Variants in CSMD1 observed in about 807,000 individuals in gnomAD.
CSMD1 encodes CUB and sushi domain-containing protein 1.
In CSMD1, 213 loss-of-function variants were observed where a neutral mutation model predicts 417.5. That is an observed-to-expected ratio of 0.51 (90% confidence interval 0.46 to 0.57). The LOEUF (loss-of-function observed/expected upper bound fraction) is 0.57. Among genes scored for constraint, CSMD1 ranks in the 20% least tolerant of loss-of-function variants. The pLI is 0.00. For missense variants in CSMD1, 6,923 were observed against 4,529.7 expected (o/e 1.53, Z -15.17); for synonymous variants, 2,862 against 1,736.8 (o/e 1.65, Z -16.11).
intron 1 of CSMD1, among the ~76,000 whole-genome samples, chr8:4,764,872 CAAAAAAAAAAAAAAA>C (rs1194894751): frequency 0.013 from 676 of 50,962 alleles, 23 homozygotes; most frequent in African/African-American, 0.053. Context: ...GACTCCATCT[CAAAAAAAAAAAAAAA>C]AAAAAAACAA....
chr8:3,496,906 G>C (rs1796388150), intron 10 of CSMD1, among the ~76,000 whole-genome samples: 1 of 152,126 alleles, frequency 6.6e-6, no homozygotes, highest in Admixed American at 6.5e-5. Context: ...AGACCCATTG[G>C]ACACTCAGGA....
At chr8:4,262,252 G>A (rs549117185) in intron 3 of CSMD1, among the ~76,000 whole-genome samples, 61 of 152,124 alleles carry the variant, frequency 4.0e-4, no homozygotes, top group Non-Finnish European at 7.5e-4. Context: ...TCCGGGGCAT[G>A]GTGGAGGATG....
chr8:3,074,414 C>T (rs1027326595), intron 49 of CSMD1, among the ~76,000 whole-genome samples: 1 of 152,192 alleles, frequency 6.6e-6, no homozygotes, highest in Non-Finnish European at 1.5e-5. Flanking sequence ...AGGGAGCTGT[C>T]TACCCAGGGC....
chr8:4,023,138 G>A (rs992848868), intron 4 of CSMD1, among the ~76,000 whole-genome samples: 1 of 152,120 alleles, frequency 6.6e-6, no homozygotes, highest in Admixed American at 6.5e-5. Flanking sequence ...CTAATGTGTG[G>A]AGGAACTGCC....
At chr8:3,928,984 C>T in intron 5 of CSMD1, among the ~76,000 whole-genome samples, 1 of 150,460 alleles carries the variant, frequency 6.6e-6, no homozygotes, top group Non-Finnish European at 1.5e-5. Context: ...AATTGGTTGT[C>T]ATTGTATAAG....
chr8:3,132,681 A>G (rs1163299452), intron 41 of CSMD1, among the ~76,000 whole-genome samples: 1 of 152,180 alleles, frequency 6.6e-6, no homozygotes, highest in African/African-American at 2.4e-5. Flanking sequence ...CTGCATCAAG[A>G]GGGCAGTTGC....
intron 41 of CSMD1, among the ~76,000 whole-genome samples, chr8:3,131,880 C>T (rs1431921571): frequency 6.6e-6 from 1 of 152,154 alleles, no homozygotes; most frequent in African/African-American, 2.4e-5. Flanking sequence ...TATATATTTA[C>T]CATCTGAGTA....
intron 3 of CSMD1, among the ~76,000 whole-genome samples, chr8:4,215,585 T>G (rs974410442): frequency 1.3e-5 from 2 of 152,134 alleles, no homozygotes; most frequent in Admixed American, 1.3e-4. Context: ...TTCCCTAAAA[T>G]TTATACATGA....
intron 5 of CSMD1, among the ~76,000 whole-genome samples, chr8:3,919,183 C>T (rs75750222): frequency 1.3e-4 from 3 of 22,742 alleles, no homozygotes; most frequent in Non-Finnish European, 2.3e-4. Context: ...CGTGTCATAT[C>T]CAAAAAAAAA....
At chr8:4,099,955 C>T (rs1252114868) in intron 3 of CSMD1, among the ~76,000 whole-genome samples, 3 of 152,130 alleles carry the variant, frequency 2.0e-5, no homozygotes, top group African/African-American at 7.2e-5. Flanking sequence ...TAAAAATACT[C>T]ATTTATTTTA....
intron 3 of CSMD1, among the ~76,000 whole-genome samples, chr8:4,117,385 G>C (rs73658583): frequency 6.6e-6 from 1 of 151,056 alleles, no homozygotes; most frequent in Non-Finnish European, 1.5e-5. Context: ...CCAGGCAAAG[G>C]AGCTCCCAAG....
chr8:4,147,421 G>C (rs752398192), intron 3 of CSMD1, among the ~76,000 whole-genome samples: 1 of 151,950 alleles, frequency 6.6e-6, no homozygotes, highest in Non-Finnish European at 1.5e-5. Context: ...GTCTAGAATG[G>C]CTTTTCCACC....
At chr8:3,727,563 T>C (rs1457337837) in intron 6 of CSMD1, among the ~76,000 whole-genome samples, 1 of 152,136 alleles carries the variant, frequency 6.6e-6, no homozygotes, top group Non-Finnish European at 1.5e-5. Flanking sequence ...TGGAAGTTCC[T>C]CGAAAAAATA....
intron 5 of CSMD1, among the ~76,000 whole-genome samples, chr8:3,917,456 AAT>A (rs1808908805): frequency 6.6e-6 from 1 of 151,996 alleles, no homozygotes; most frequent in Non-Finnish European, 1.5e-5. Flanking sequence ...TGCGCGCACA[AAT>A]ATGTTTCCTG....
chr8:4,239,198 T>C (rs997370433), intron 3 of CSMD1, among the ~76,000 whole-genome samples: 4 of 152,220 alleles, frequency 2.6e-5, no homozygotes, highest in Non-Finnish European at 5.9e-5. Context: ...ACATTAGAGA[T>C]ACAGTTGAGT....
At chr8:4,758,016 C>T (rs538912880) in intron 1 of CSMD1, among the ~76,000 whole-genome samples, 1 of 149,416 alleles carries the variant, frequency 6.7e-6, no homozygotes, top group African/African-American at 2.5e-5. Context: ...ATCCTTGAGA[C>T]AGGATTTACT....
chr8:3,698,911 T>C (rs972846375), intron 7 of CSMD1, among the ~76,000 whole-genome samples: 1 of 152,212 alleles, frequency 6.6e-6, no homozygotes, highest in Non-Finnish European at 1.5e-5. Flanking sequence ...TTAGGGGACA[T>C]GTCACAACTT....
intron 3 of CSMD1, among the ~76,000 whole-genome samples, chr8:4,183,687 C>G (rs571758716): frequency 2.0e-5 from 3 of 152,008 alleles, no homozygotes; most frequent in East Asian, 3.9e-4. Flanking sequence ...TTGTTGTGAG[C>G]AGAGAAATTT....
chr8:3,303,839 T>A (rs997768579), intron 25 of CSMD1, among the ~76,000 whole-genome samples: 1 of 152,156 alleles, frequency 6.6e-6, no homozygotes, highest in African/African-American at 2.4e-5. Context: ...TGATTAGACT[T>A]TTAATTAAAT....
Sources: gnomAD v4.1 joint callset for allele counts (sites outside exome capture counted in the v4.1 genomes callset) on GRCh38, gnomAD v4.1.1 for gene constraint, MANE v1.5 for transcripts, NCBI Gene and HGNC (gene_info 2026-07-23, HGNC 2026-07-21) for gene names.